Variants in NFIB observed in about 807,000 individuals in gnomAD.
The protein encoded by NFIB is nuclear factor 1 B-type.
NFIB carries 11 observed loss-of-function variants against 61.5 expected under a neutral mutation model. That is an observed-to-expected ratio of 0.18 (90% CI 0.11 to 0.30). NFIB has a LOEUF of 0.30. Ranked by LOEUF, NFIB falls within the 10% of genes least tolerant of loss-of-function variation. The pLI, the probability that NFIB is intolerant of heterozygous loss-of-function variation, is 1.00. For synonymous variants in NFIB, 260 were observed against 216.5 expected (o/e 1.20, Z -1.76); for missense variants, 471 against 608.9 (o/e 0.77, Z 2.38).
chr9:14,187,233 A>T (rs2047475055), intron 2 of NFIB, among the ~76,000 whole-genome samples: 2 of 150,752 alleles, frequency 1.3e-5, no homozygotes, highest in South Asian at 4.2e-4. Flanking sequence ...GGAATCCCTG[A>T]TCTTGTTTGT....
chr9:14,323,573 AT>A (rs1451827521), intron 1 of NFIB, among the ~76,000 whole-genome samples: 1 of 152,242 alleles, frequency 6.6e-6, no homozygotes, highest in African/African-American at 2.4e-5. Flanking sequence ...TAATTATGTA[AT>A]TGCACAACAG....
chr9:14,485,549 G>A, the NFIB span, among the ~76,000 whole-genome samples: 1 of 152,294 alleles, frequency 6.6e-6, no homozygotes, highest in East Asian at 1.9e-4. Flanking sequence ...TCCAGACACT[G>A]CTAGGATCTG....
upstream of NFIB, among the ~76,000 whole-genome samples, chr9:14,318,775 C>T (rs1336716655): frequency 2.6e-5 from 4 of 151,894 alleles, no homozygotes; most frequent in Non-Finnish European, 5.9e-5. Flanking sequence ...AGGAGGAACA[C>T]CAAAAATCCA....
chr9:14,194,142 T>C (rs930095798), intron 2 of NFIB, among the ~76,000 whole-genome samples: 18 of 152,226 alleles, frequency 1.2e-4, no homozygotes, highest in African/African-American at 4.3e-4. Context: ...TAAGGCAAAC[T>C]TCTAATGCAC....
At chr9:14,133,746 T>C (rs900784223) in intron 6 of NFIB, among the ~76,000 whole-genome samples, 6 of 152,188 alleles carry the variant, frequency 3.9e-5, no homozygotes, top group South Asian at 4.1e-4. Context: ...AAGACAACTA[T>C]TAAGGCCAGA....
the NFIB span, among the ~76,000 whole-genome samples, chr9:14,477,594 G>A: frequency 6.6e-5 from 10 of 152,194 alleles, no homozygotes; most frequent in African/African-American, 1.2e-4. Context: ...GGTATATTGC[G>A]AAGTGAGGTT....
At chr9:14,275,703 T>G (rs1023895050) in intron 2 of NFIB, among the ~76,000 whole-genome samples, 1 of 152,134 alleles carries the variant, frequency 6.6e-6, no homozygotes, top group Non-Finnish European at 1.5e-5. Flanking sequence ...GATGTAAAAC[T>G]AAGTCTGCAG....
chr9:14,464,980 A>G, the NFIB span, among the ~76,000 whole-genome samples: 1 of 152,176 alleles, frequency 6.6e-6, no homozygotes, highest in Non-Finnish European at 1.5e-5. Context: ...TGAACATGGG[A>G]GTGCCATGAT....
chr9:14,143,379 A>C (rs1026201761), intron 6 of NFIB, among the ~76,000 whole-genome samples: 1 of 151,974 alleles, frequency 6.6e-6, no homozygotes, highest in African/African-American at 2.4e-5. Flanking sequence ...TTGCCTACTC[A>C]GAATAAATCT....
intron 1 of NFIB, chr9:14,357,836 G>A (rs1356429249): frequency 2.0e-5 from 3 of 152,174 alleles, no homozygotes; most frequent in Non-Finnish European, 4.4e-5. Flanking sequence ...TAATACATGC[G>A]TTAACAAGGA....
chr9:14,316,682 G>GAC (rs140397546), upstream of NFIB, among the ~76,000 whole-genome samples: 9 of 151,670 alleles, frequency 5.9e-5, no homozygotes, highest in Non-Finnish European at 1.3e-4. Context: ...AACACACACA[G>GAC]ACACACACAC....
the NFIB span, among the ~76,000 whole-genome samples, chr9:14,497,962 T>C: frequency 6.6e-6 from 1 of 152,242 alleles, no homozygotes; most frequent in Admixed American, 6.5e-5. Context: ...AAAGATTGTC[T>C]GCACTCCTGG....
chr9:14,236,004 G>C (rs1343634253), intron 2 of NFIB, among the ~76,000 whole-genome samples: 1 of 152,134 alleles, frequency 6.6e-6, no homozygotes. Flanking sequence ...GAAGACAAGA[G>C]GCTGGGCTCC....
chr9:14,424,584 T>A, the NFIB span, among the ~76,000 whole-genome samples: 2 of 152,202 alleles, frequency 1.3e-5, no homozygotes, highest in African/African-American at 4.8e-5. Flanking sequence ...AATTTTATTA[T>A]CTCAAAAGTG....
intron 2 of NFIB, among the ~76,000 whole-genome samples, chr9:14,303,005 G>A (rs770586709): frequency 1.3e-5 from 2 of 152,104 alleles, no homozygotes; most frequent in Non-Finnish European, 2.9e-5. Context: ...TGAGAATTTC[G>A]TAACAGTGTG....
chr9:14,453,060 G>A, the NFIB span, among the ~76,000 whole-genome samples: 6 of 152,216 alleles, frequency 3.9e-5, no homozygotes, highest in African/African-American at 1.2e-4. Flanking sequence ...CCACCACAGT[G>A]TGGCATTCTC....
chr9:14,371,414 G>A (rs1260516621), intron 1 of NFIB, among the ~76,000 whole-genome samples: 2 of 152,198 alleles, frequency 1.3e-5, no homozygotes, highest in Admixed American at 6.5e-5. Context: ...TTGTTTTGAA[G>A]AAGGTCAGAT....
At chr9:14,367,169 C>T (rs934481816) in intron 1 of NFIB, among the ~76,000 whole-genome samples, 1 of 152,044 alleles carries the variant, frequency 6.6e-6, no homozygotes, top group African/African-American at 2.4e-5. Flanking sequence ...TATGGGAATG[C>T]AAAACTATAG....
At chr9:14,147,592 GA>G (rs1181749794) in intron 5 of NFIB, among the ~76,000 whole-genome samples, 9 of 142,294 alleles carry the variant, frequency 6.3e-5, no homozygotes, top group Non-Finnish European at 3.0e-5. Context: ...AATCGACTGT[GA>G]AAAAAAGAAG....
Sources: gnomAD v4.1 joint callset for allele counts (sites outside exome capture counted in the v4.1 genomes callset) on GRCh38, gnomAD v4.1.1 for gene constraint, MANE v1.5 for transcripts, NCBI Gene and HGNC (gene_info 2026-07-23, HGNC 2026-07-21) for gene names.